BMP8B: variants seen among roughly 807,000 people sequenced by gnomAD.
BMP8B encodes bone morphogenetic protein 8b.
In BMP8B, 17 loss-of-function variants were observed where a neutral mutation model predicts 30.3. The observed-to-expected ratio is 0.56, with a 90% confidence interval of 0.38 to 0.84. The LOEUF (loss-of-function observed/expected upper bound fraction) is 0.84. BMP8B is among the 40% of genes least tolerant of loss of function. The pLI, the probability that BMP8B is intolerant of heterozygous loss-of-function variation, is 0.00. For missense variants in BMP8B, 253 were observed against 494.6 expected, an observed-to-expected ratio of 0.51 and a Z score of 4.63; for synonymous variants, 131 against 214.7, an observed-to-expected ratio of 0.61 and a Z score of 3.41.
chr1:39,762,554 C>A, intron 6 of BMP8B: 6 of 1,550,294 alleles, frequency 3.9e-6, no homozygotes, highest in African/African-American at 1.4e-5. Flanking sequence ...GCCAGGGGAT[C>A]CAGAAAAAAC....
In BMP8B at chr1:39,760,410, C is replaced by T. The variant is rs185202946; in HGVS notation, c.*9G>A. On this transcript the variant is annotated 3_prime_UTR_variant, in exon 7 of 7. Transcript: ENST00000372827. ...GAAGGGTGGCTGCAGCTGGGCCGGG[C>T]GGGTGGACTCAGTGGCAGCCGCAGG... 194 of 1,613,404 alleles carry T rather than the reference C, an allele frequency of 1.2e-4. 1 individual carries two copies. The African/African-American group carries it at 1.7e-3, about 14-fold the overall frequency.
At chr1:39,787,003 G>T (rs1227584725) in intron 1 of BMP8B, among the ~76,000 whole-genome samples, 1 of 152,248 alleles carries the variant, frequency 6.6e-6, no homozygotes, top group Non-Finnish European at 1.5e-5. Flanking sequence ...CACCTTGAAA[G>T]CCTGACCTGA....
chr1:39,763,358 C>G (rs996248840), intron 5 of BMP8B, among the ~76,000 whole-genome samples, 156 bp from the exon 6 acceptor site: 1 of 146,238 alleles, frequency 6.8e-6, no homozygotes, highest in African/African-American at 2.6e-5. Context: ...AGCTCAGGCC[C>G]AACATCCCCC....
rs368683644 is a variant in BMP8B, at chr1:39,763,468, A to G, written c.948+244T>C. On this transcript the variant is annotated intron_variant, in intron 5 of 6. Coordinates refer to ENST00000372827, the MANE Select transcript of BMP8B (RefSeq NM_001720.5). ...TGCAGGGAGGTCTCAGTTACCCTGC[A>G]GCAATGCTGACAGCTTAGTTGGTTG... is the stretch of plus-strand genomic sequence containing the variant. Among the ~76,000 whole-genome samples the G allele has an allele frequency of 7.1e-3, 971 of 137,528 alleles. 78 individuals carry two copies. Among genetic ancestry groups the G allele is most frequent in the African/African-American group, 0.014 (510 of 36,892 alleles). 90.2% of individuals were successfully genotyped at this position (137,528 alleles called of 152,430 possible).
chr1:39,787,911 A>T (rs1157610052), intron 1 of BMP8B, among the ~76,000 whole-genome samples: 1 of 152,176 alleles, frequency 6.6e-6, no homozygotes, highest in Non-Finnish European at 1.5e-5. Context: ...TGTTTGGGGC[A>T]GGGTGAAGGC....
At chr1:39,777,772 C>T (rs1650330045) in intron 1 of BMP8B, among the ~76,000 whole-genome samples, 1 of 152,196 alleles carries the variant, frequency 6.6e-6, no homozygotes, top group African/African-American at 2.4e-5. Flanking sequence ...CCCTGAAAGG[C>T]CCACAGGAAG....
At chr1:39,763,370 T>C (rs1303878463) in intron 5 of BMP8B, among the ~76,000 whole-genome samples, 168 bp from the exon 6 acceptor site, 2 of 100,340 alleles carry the variant, frequency 2.0e-5, no homozygotes, top group Non-Finnish European at 5.0e-5. Context: ...ACATCCCCCA[T>C]ATCTTCACTT....
chr1:39,763,150 C>T lies in BMP8B; in HGVS notation c.1001G>A (p.Cys334Tyr). The T allele has an allele frequency of 1.2e-6, 2 of 1,613,986 alleles. No homozygotes were observed. Among genetic ancestry groups the T allele is most frequent in the Non-Finnish European group, 1.7e-6 (2 of 1,179,946 alleles). Residue 334 changes from cysteine to tyrosine, a missense_variant, in exon 6 of 7, where the codon TGC becomes TAC. Physicochemically the swap from Cys to Tyr is radical, Grantham distance 194. This residue lies in a region of BMP8B where 116 missense variants were observed against 142.3 expected (regional missense o/e 0.81). Transcript: ENST00000372827. The stretch of plus-strand genomic sequence containing the variant: ...CATGCAGGAGTCCAGTGGGAAGGAG[C>T]ACTCCCCCTCACAGTAATAGGCCGA... ...GYSAYYCEGE[C>Y]SFPLDSCMNA...
rs914100634 is a variant in BMP8B, at chr1:39,762,774, G to C, written c.1059+318C>G. On this transcript the variant is annotated intron_variant, in intron 6 of 6. Coordinates refer to ENST00000372827, the MANE Select transcript of BMP8B (RefSeq NM_001720.5). ...CAGCCCCCACACAGTGTACACATCT[G>C]TTTCATGTGCTGTGCCTCTGAGCGC... 4 of 1,334,604 alleles carry C rather than the reference G, an allele frequency of 3.0e-6. No homozygotes were observed. The Admixed American group carries it at 1.1e-4, about 38-fold the overall frequency. The allele number at this position is 1,334,604 out of a possible 1,614,324, so 82.7% of individuals were successfully genotyped here.
At position 39,768,146 on chromosome 1, in the gene BMP8B, C is replaced by A. The variant is rs145540109; in HGVS notation, c.674-3329G>T. ...GAGACTATAGATTCAGGAGGAAATGCCTCACAGCCTCTTGGGTTACAACGG... is the reference window on the plus strand; with the variant it reads ...GAGACTATAGATTCAGGAGGAAATGACTCACAGCCTCTTGGGTTACAACGG... On this transcript the variant is annotated intron_variant, in intron 3 of 6. Coordinates refer to ENST00000372827, the MANE Select transcript of BMP8B (RefSeq NM_001720.5). 3.4e-3 allele frequency among the ~76,000 whole-genome samples: 515 copies of A among 151,510 alleles called. 16 individuals carry two copies. Among genetic ancestry groups the A allele is most frequent in the South Asian group, 7.2e-3 (34 of 4,728 alleles).
chr1:39,760,630 C>G, intron 6 of BMP8B, 62 bp from the exon 7 acceptor site: 1 of 1,553,080 alleles, frequency 6.4e-7, no homozygotes, highest in Non-Finnish European at 8.7e-7. Flanking sequence ...AGGACCCACC[C>G]AGCCCCACCC....
rs1458579226 is a variant in BMP8B, at chr1:39,758,331, A to C, written c.*2088T>G. On this transcript the variant is annotated 3_prime_UTR_variant, in exon 7 of 7. Coordinates refer to ENST00000372827, the MANE Select transcript of BMP8B (RefSeq NM_001720.5). ...CTGCAACCTCCACCTCCCAGGTTCAAGCAATTCTGCCTCAGCCTCCTGAGT... is the reference window on the plus strand; with the variant it reads ...CTGCAACCTCCACCTCCCAGGTTCACGCAATTCTGCCTCAGCCTCCTGAGT... The C allele has an allele frequency of 6.6e-6, 1 of 152,288 alleles. No individual in the cohort carries two copies. Among genetic ancestry groups the C allele is most frequent in the Non-Finnish European group, 1.5e-5 (1 of 68,088 alleles). The allele number at this position is 152,288 out of a possible 1,614,324, so 9.4% of individuals were successfully genotyped here. A position where few individuals can be genotyped will look rare whatever the true frequency, so the allele number is the denominator to read the frequency against.
At chr1:39,784,471 AT>A (rs1362865252) in intron 1 of BMP8B, among the ~76,000 whole-genome samples, 1 of 132,988 alleles carries the variant, frequency 7.5e-6, no homozygotes, top group Non-Finnish European at 1.6e-5. Flanking sequence ...ACACCCGACA[AT>A]TACCTTTAGG....
chr1:39,769,423 T>C, intron 3 of BMP8B: 1 of 365,714 alleles, frequency 2.7e-6, no homozygotes, highest in Non-Finnish European at 4.9e-6. Context: ...CACTGAGCTG[T>C]GCACGCTCTG....
At position 39,774,962 on chromosome 1, in the gene BMP8B, A is replaced by G. The variant is rs1175785888; in HGVS notation, c.411T>C (p.Ala137=). ...ACTCCGCAGCTGTGACCGCCTCCCC[A>G]GCCGGGATCTGGGTCAGGTCAAAGC... is the stretch of plus-strand genomic sequence containing the variant. ...EFRFDLTQIP[A]GEAVTAAEFR... Residue 137 remains alanine, a synonymous_variant, in exon 2 of 7, where the codon GCT becomes GCC. Coordinates refer to ENST00000372827, the MANE Select transcript of BMP8B (RefSeq NM_001720.5). 7.3e-7 allele frequency: 1 copy of G among 1,371,712 alleles called. No individual in the cohort carries two copies. Among genetic ancestry groups the G allele is most frequent in the Non-Finnish European group, 1.0e-6 (1 of 1,004,972 alleles). 85.0% of individuals were successfully genotyped at this position (1,371,712 alleles called of 1,614,324 possible). A position where few individuals can be genotyped will look rare whatever the true frequency, so the allele number is the denominator to read the frequency against.
At chr1:39,760,783 C>A (rs192691674) in intron 6 of BMP8B, among the ~76,000 whole-genome samples, 13 of 152,268 alleles carry the variant, frequency 8.5e-5, no homozygotes, top group African/African-American at 2.2e-4. Context: ...GGGAGGGACA[C>A]ATGGCAGGGG....
chr1:39,763,512 T>C (rs1426171942), intron 5 of BMP8B, among the ~76,000 whole-genome samples, 200 bp downstream of exon 5: 1 of 145,852 alleles, frequency 6.9e-6, no homozygotes, highest in Non-Finnish European at 1.5e-5. Context: ...TTCATTTTCA[T>C]GGTTTTAAAA....
In BMP8B at chr1:39,774,426, C is replaced by T; in HGVS notation, c.555G>A (p.Gln185=). 1 of 315,850 alleles carries T rather than the reference C, an allele frequency of 3.2e-6. No homozygotes were observed. The highest frequency in any genetic ancestry group is 4.9e-6 in the Non-Finnish European group (1 of 204,388). The allele number at this position is 315,850 out of a possible 1,614,324, so 19.6% of individuals were successfully genotyped here. Residue 185 remains glutamine (Q), a synonymous_variant, in exon 3 of 7, where the codon CAG becomes CAA. Coordinates refer to ENST00000372827, the MANE Select transcript of BMP8B (RefSeq NM_001720.5). ...RESDLFFLDL[Q]TLRAGDEGWL... ...AGCCCTCGTCTCCAGCTCGGAGCGT[C>T]TGAAGATCCAAAAAGAACAAGTCAG...
chr1:39,776,639 A>G (rs1650254001), intron 1 of BMP8B, among the ~76,000 whole-genome samples: 1 of 152,230 alleles, frequency 6.6e-6, no homozygotes, highest in Non-Finnish European at 1.5e-5. Context: ...ATCCCAGCCC[A>G]GGGCGGAGAA....
Sources: gnomAD v4.1 joint callset for allele counts (sites outside exome capture counted in the v4.1 genomes callset) on GRCh38, gnomAD v4.1.1 for gene constraint, gnomAD v4.1.1 regional missense constraint, MANE v1.5 for transcripts, NCBI Gene and HGNC (gene_info 2026-07-23, HGNC 2026-07-21) for gene names.